Variants in FILIP1L observed in about 807,000 individuals in gnomAD.
FILIP1L encodes filamin A interacting protein 1 like.
FILIP1L carries 55 observed loss-of-function variants against 96.6 expected under a neutral mutation model. The observed-to-expected ratio is 0.57, with a 90% CI of 0.46 to 0.71. The LOEUF is 0.71. Ranked by LOEUF, FILIP1L falls within the 30% of genes least tolerant of loss-of-function variation. The pLI is 0.00. For missense variants in FILIP1L, 1,304 were observed against 1,321.2 expected (o/e 0.99, Z 0.20); for synonymous variants, 467 against 473.9 (o/e 0.99, Z 0.19).
At chr3:99,882,962 A>G (rs1705776610) in intron 4 of FILIP1L, among the ~76,000 whole-genome samples, 1 of 152,192 alleles carries the variant, frequency 6.6e-6, no homozygotes, top group South Asian at 2.1e-4. Flanking sequence ...CTTTTAATAT[A>G]AATTTCTGTG....
intron 4 of FILIP1L, among the ~76,000 whole-genome samples, chr3:99,908,268 A>T (rs1203115924): frequency 1.3e-5 from 2 of 152,250 alleles, no homozygotes; most frequent in Non-Finnish European, 2.9e-5. Context: ...TAAAGTGAGA[A>T]GAGGTATATG....
At chr3:100,089,532 C>T (rs1053316152) in intron 1 of FILIP1L, among the ~76,000 whole-genome samples, 1 of 152,116 alleles carries the variant, frequency 6.6e-6, no homozygotes, top group Non-Finnish European at 1.5e-5. Context: ...GTCAAAGCCT[C>T]ATGTCAAGCA....
chr3:99,873,534 G>A (rs1300269622), intron 4 of FILIP1L, among the ~76,000 whole-genome samples: 1 of 152,020 alleles, frequency 6.6e-6, no homozygotes, highest in African/African-American at 2.4e-5. Flanking sequence ...CTTGTAAAAT[G>A]TTCACTTTGC....
intron 1 of FILIP1L, among the ~76,000 whole-genome samples, chr3:100,015,953 AAGAC>A (rs1223737222): frequency 2.0e-5 from 3 of 152,200 alleles, no homozygotes; most frequent in African/African-American, 4.8e-5. Context: ...AATTCACAAA[AAGAC>A]AGATTGCCTT....
chr3:99,928,179 A>G (rs1707357086), intron 3 of FILIP1L, among the ~76,000 whole-genome samples: 1 of 152,136 alleles, frequency 6.6e-6, no homozygotes, highest in Non-Finnish European at 1.5e-5. Flanking sequence ...CCCTCCCTTT[A>G]TTTTCTTCAG....
chr3:100,059,315 G>A (rs905095480), intron 1 of FILIP1L, among the ~76,000 whole-genome samples: 1 of 152,114 alleles, frequency 6.6e-6, no homozygotes, highest in Admixed American at 6.5e-5. Context: ...ATAATGGGAC[G>A]AGCCTTCCAT....
intron 4 of FILIP1L, among the ~76,000 whole-genome samples, chr3:99,852,855 A>G (rs528396054): frequency 3.3e-4 from 50 of 152,304 alleles, no homozygotes; most frequent in African/African-American, 9.1e-4. Flanking sequence ...TACATTCCAT[A>G]GGAGGAACAT....
At chr3:100,019,960 G>A (rs2064777837) in intron 1 of FILIP1L, among the ~76,000 whole-genome samples, 1 of 152,066 alleles carries the variant, frequency 6.6e-6, no homozygotes. Context: ...CAAGGAAACT[G>A]GCTTAAAAGC....
intron 1 of FILIP1L, among the ~76,000 whole-genome samples, chr3:100,025,805 T>A (rs992253339): frequency 4.6e-5 from 7 of 152,174 alleles, no homozygotes; most frequent in African/African-American, 1.4e-4. Flanking sequence ...TCTGCTGTAG[T>A]CGACCTCCAT....
At chr3:100,108,788 G>A (rs1483855728) in intron 1 of FILIP1L, among the ~76,000 whole-genome samples, 2 of 152,118 alleles carry the variant, frequency 1.3e-5, no homozygotes, top group African/African-American at 4.8e-5. Context: ...TTCTTTTGTG[G>A]TACACCTCAT....
At chr3:100,022,672 C>G (rs1559728999) in intron 1 of FILIP1L, among the ~76,000 whole-genome samples, 1 of 152,200 alleles carries the variant, frequency 6.6e-6, no homozygotes, top group African/African-American at 2.4e-5. Context: ...TCCATTCTGC[C>G]TGACTCAGCT....
Position 99,829,908 on chromosome 3 carries a change from C to G in FILIP1L, c.*506G>C, listed in dbSNP as rs1414828507. 6.6e-6 allele frequency among the ~76,000 whole-genome samples: 1 copy of G among 152,148 alleles called. No individual in the cohort carries two copies. Among genetic ancestry groups the G allele is most frequent in the East Asian group, 1.9e-4 (1 of 5,196 alleles). ...AGAATTATCACTTTGCTTTTTCCCTCCTGGTCATAAAGAAATCATAGTTTT... is the reference window on the plus strand; with the variant it reads ...AGAATTATCACTTTGCTTTTTCCCTGCTGGTCATAAAGAAATCATAGTTTT... On this transcript the variant is annotated 3_prime_UTR_variant, in exon 6 of 6. Transcript: ENST00000477258.
intron 4 of FILIP1L, among the ~76,000 whole-genome samples, chr3:99,865,140 G>A (rs1944450762): frequency 6.6e-6 from 1 of 152,158 alleles, no homozygotes; most frequent in Non-Finnish European, 1.5e-5. Context: ...ACAGCTAGTT[G>A]AACAATTTTT....
intron 1 of FILIP1L, among the ~76,000 whole-genome samples, chr3:100,000,055 A>T (rs1221954164): frequency 6.6e-6 from 1 of 152,170 alleles, no homozygotes; most frequent in Non-Finnish European, 1.5e-5. Context: ...GGGCCCAGGC[A>T]TCTCTATTTT....
At chr3:99,947,730 A>G (rs1434267385) in intron 1 of FILIP1L, among the ~76,000 whole-genome samples, 2 of 152,242 alleles carry the variant, frequency 1.3e-5, no homozygotes, top group African/African-American at 4.8e-5. Context: ...AATACTTTTA[A>G]TAAGGTAAAA....
At chr3:99,927,815 G>A (rs552167368) in intron 3 of FILIP1L, among the ~76,000 whole-genome samples, 3 of 152,024 alleles carry the variant, frequency 2.0e-5, no homozygotes, top group African/African-American at 4.8e-5. Context: ...GCCTCTTCCC[G>A]CCCTCTTGAC....
In FILIP1L at chr3:100,052,726, G is replaced by GGT. The variant is rs1216011756; in HGVS notation, c.-11+61325_-11+61326dup. ...ATATTCTAAAATTTTACAAAGGCAA[G>GGT]GTGGAAGGTACCTTCCCCAACCTCA... On this transcript the variant is annotated intron_variant, in intron 1 of 5. Coordinates refer to ENST00000477258, the MANE Select transcript of FILIP1L (RefSeq NM_001387850.1). Among the ~76,000 whole-genome samples the GGT allele has an allele frequency of 4.6e-5, 7 of 152,218 alleles. No individual in the cohort carries two copies. In the East Asian group the frequency reaches 1.2e-3, roughly 25 times the overall value.
chr3:99,941,031 A>G (rs1172457122), intron 1 of FILIP1L, among the ~76,000 whole-genome samples: 29 of 152,376 alleles, frequency 1.9e-4, no homozygotes, highest in Non-Finnish European at 7.3e-5. Context: ...TTATCTTCCT[A>G]TAACTGGCAG....
At chr3:99,961,620 A>G (rs111809739) in intron 1 of FILIP1L, among the ~76,000 whole-genome samples, 1 of 152,300 alleles carries the variant, frequency 6.6e-6, no homozygotes, top group African/African-American at 2.4e-5. Flanking sequence ...GGAGCTGGAA[A>G]GGCTCCTGGG....
Sources: gnomAD v4.1 joint callset for allele counts (sites outside exome capture counted in the v4.1 genomes callset) on GRCh38, gnomAD v4.1.1 for gene constraint, MANE v1.5 for transcripts, NCBI Gene and HGNC (gene_info 2026-07-23, HGNC 2026-07-21) for gene names.